The following ZBTB20 variants were observed in gnomAD, a reference collection of about 807,000 sequenced individuals.
The protein encoded by ZBTB20 is zinc finger and BTB domain-containing protein 20.
In ZBTB20, 9 loss-of-function variants were observed where a neutral mutation model predicts 56.9. The observed-to-expected ratio is 0.16, with a 90% confidence interval of 0.10 to 0.28. The LOEUF (loss-of-function observed/expected upper bound fraction) is 0.28, where lower values mean the gene tolerates loss of function less well. ZBTB20 is among the 10% of genes least tolerant of loss of function. ZBTB20 has a pLI of 1.00. For missense variants in ZBTB20, 655 were observed against 1,003.0 expected (o/e 0.65, Z 4.69); for synonymous variants, 417 against 420.7 (o/e 0.99, Z 0.11).
At chr3:114,518,683 A>C (rs1005776005) in intron 6 of ZBTB20, 2 of 152,216 alleles carry the variant, frequency 1.3e-5, no homozygotes, top group Non-Finnish European at 1.5e-5. Context: ...GGCTCAATAA[A>C]TACCTGCTGA....
intron 3 of ZBTB20, among the ~76,000 whole-genome samples, chr3:114,949,187 ATGGCAC>A (rs954083520): frequency 6.8e-6 from 1 of 146,266 alleles, no homozygotes; most frequent in African/African-American, 2.8e-5. Context: ...TTTTTGACAA[ATGGCAC>A]TTGATCAATT....
At chr3:114,755,380 A>C (rs1204372430) in intron 5 of ZBTB20, among the ~76,000 whole-genome samples, 1 of 152,164 alleles carries the variant, frequency 6.6e-6, no homozygotes, top group Non-Finnish European at 1.5e-5. Context: ...CTCTTTTTAA[A>C]ACTTCAAAGA....
chr3:114,767,816 T>G (rs1372730307), intron 5 of ZBTB20, among the ~76,000 whole-genome samples: 3 of 152,114 alleles, frequency 2.0e-5, no homozygotes, highest in Non-Finnish European at 4.4e-5. Flanking sequence ...CTCCAGCTGA[T>G]GCTCACTTTG....
chr3:115,046,993 G>A (rs566018721), intron 2 of ZBTB20, among the ~76,000 whole-genome samples: 9 of 152,098 alleles, frequency 5.9e-5, no homozygotes, highest in Non-Finnish European at 2.9e-5. Flanking sequence ...TACGTTAGAT[G>A]GTATCTGTTT....
At position 114,325,079 on chromosome 3, in the gene ZBTB20, A is replaced by G. The variant is rs1189591842; in HGVS notation, c.*13926T>C. ...TTGCCATGATGAAGATTACTAAGAC[A>G]CCCTGCTTTCATCTACTCTGAAAAC... On this transcript the variant is annotated 3_prime_UTR_variant, in exon 12 of 12. Coordinates refer to ENST00000675478, the MANE Select transcript of ZBTB20 (RefSeq NM_001348800.3). The G allele has an allele frequency of 6.6e-6, 1 of 152,130 alleles. No individual in the cohort carries two copies. The highest frequency in any genetic ancestry group is 1.5e-5 in the Non-Finnish European group (1 of 68,022). The allele number at this position is 152,130 out of a possible 1,614,324, so 9.4% of individuals were successfully genotyped here.
rs2079115976 is a variant in ZBTB20 at position 114,327,981 on chromosome 3, C to G, written c.*11024G>C. 6.6e-6 allele frequency: 1 copy of G among 152,088 alleles called. No individual in the cohort carries two copies. Among genetic ancestry groups the G allele is most frequent in the South Asian group, 2.1e-4 (1 of 4,820 alleles). 9.4% of individuals were successfully genotyped at this position (152,088 alleles called of 1,614,324 possible). A position where few individuals can be genotyped will look rare whatever the true frequency, so the allele number is the denominator to read the frequency against. On this transcript the variant is annotated 3_prime_UTR_variant, in exon 12 of 12. Transcript: ENST00000675478. ...GTCTTTTGGGCAATGCTCTGGTGAC[C>G]AGACAGTTGTAATCCACTGCAGGGA...
At position 114,840,427 on chromosome 3, in the gene ZBTB20, C is replaced by T. The variant is rs558892570; in HGVS notation, c.-416-39253G>A. On this transcript the variant is annotated intron_variant, in intron 4 of 11. Transcript: ENST00000675478. Reference sequence around the variant, plus strand: ...CAAATGTTTTAACAAACCTTTATTACAACCTGACTATTCATGTCATTTCAA... The same window carrying T: ...CAAATGTTTTAACAAACCTTTATTATAACCTGACTATTCATGTCATTTCAA... Among the ~76,000 whole-genome samples, 9 of 152,340 alleles carry T rather than the reference C, an allele frequency of 5.9e-5. No individual in the cohort carries two copies. The South Asian group carries it at 1.7e-3, about 28-fold the overall frequency.
intron 6 of ZBTB20, among the ~76,000 whole-genome samples, chr3:114,602,583 A>C (rs1195061053): frequency 1.3e-5 from 2 of 151,810 alleles, no homozygotes; most frequent in African/African-American, 2.4e-5. Flanking sequence ...CTCCTCTCCA[A>C]ATGTTAGGTC....
intron 10 of ZBTB20, among the ~76,000 whole-genome samples, chr3:114,377,989 A>G (rs553636440): frequency 1.2e-4 from 19 of 152,368 alleles, no homozygotes; most frequent in African/African-American, 4.3e-4. Flanking sequence ...AGTCAAGGGC[A>G]CTATTTTTAA....
At chr3:114,871,023 T>G (rs558917356) in intron 4 of ZBTB20, among the ~76,000 whole-genome samples, 5 of 149,750 alleles carry the variant, frequency 3.3e-5, no homozygotes, top group African/African-American at 1.2e-4. Context: ...CTAGCTGGCA[T>G]GAAGAGAGTT....
At chr3:114,486,347 G>A (rs1422913983) in intron 7 of ZBTB20, among the ~76,000 whole-genome samples, 1 of 151,974 alleles carries the variant, frequency 6.6e-6, no homozygotes, top group Non-Finnish European at 1.5e-5. Flanking sequence ...ATGTAATGAT[G>A]AAAAAATTGG....
intron 5 of ZBTB20, among the ~76,000 whole-genome samples, chr3:114,787,370 C>CACAT (rs1367544699): frequency 0.048 from 5,469 of 113,952 alleles, 292 homozygotes; most frequent in African/African-American, 0.11. Context: ...TATATATATA[C>CACAT]ACACACACAC....
chr3:114,961,027 G>C (rs1458292959), intron 3 of ZBTB20, among the ~76,000 whole-genome samples: 1 of 151,838 alleles, frequency 6.6e-6, no homozygotes, highest in Admixed American at 6.6e-5. Context: ...CAGCAGACAA[G>C]GTGAATTGCT....
intron 4 of ZBTB20, among the ~76,000 whole-genome samples, chr3:114,896,081 T>C (rs1361513219): frequency 1.3e-5 from 2 of 152,180 alleles, no homozygotes; most frequent in South Asian, 2.1e-4. Flanking sequence ...ACATAAGCAG[T>C]AGATGTGTTC....
At chr3:114,451,763 G>C (rs574546242) in intron 7 of ZBTB20, among the ~76,000 whole-genome samples, 1 of 152,116 alleles carries the variant, frequency 6.6e-6, no homozygotes, top group African/African-American at 2.4e-5. Flanking sequence ...GAACTGGAGC[G>C]GATTGCCTAC....
At chr3:114,670,240 T>C (rs916135699) in intron 6 of ZBTB20, among the ~76,000 whole-genome samples, 6 of 152,020 alleles carry the variant, frequency 3.9e-5, no homozygotes, top group African/African-American at 1.2e-4. Flanking sequence ...CACTAAACTG[T>C]ACTGAGGGCT....
Position 114,331,047 on chromosome 3 carries a change from CGAT to C in ZBTB20, c.*7955_*7957del, listed in dbSNP as rs1435512876. ...TTCAGGAGACACAGTTTGTGAATTA[CGAT>C]GATATCTTGTGAGTACAGGCAGAAT... On this transcript the variant is annotated 3_prime_UTR_variant, in exon 12 of 12. Transcript: ENST00000675478. 2.0e-5 allele frequency: 3 copies of C among 151,708 alleles called. No individual in the cohort carries two copies. Among genetic ancestry groups the C allele is most frequent in the Non-Finnish European group, 4.4e-5 (3 of 68,046 alleles). 9.4% of individuals were successfully genotyped at this position (151,708 alleles called of 1,614,324 possible). A position where few individuals can be genotyped will look rare whatever the true frequency, so the allele number is the denominator to read the frequency against.
intron 7 of ZBTB20, among the ~76,000 whole-genome samples, chr3:114,389,902 A>AG (rs1325575399): frequency 6.6e-6 from 1 of 151,848 alleles, no homozygotes; most frequent in African/African-American, 2.4e-5. Flanking sequence ...AAAAAAAAAA[A>AG]AAAAAAAGAA....
intron 6 of ZBTB20, among the ~76,000 whole-genome samples, chr3:114,681,132 T>C (rs1413353929): frequency 6.6e-6 from 1 of 151,834 alleles, no homozygotes; most frequent in Non-Finnish European, 1.5e-5. Context: ...TTACCCATTT[T>C]AATTAAAAAC....
Sources: allele counts gnomAD v4.1 joint callset (sites outside exome capture counted in the v4.1 genomes callset), GRCh38; gene constraint gnomAD v4.1.1; transcripts MANE v1.5; gene names NCBI Gene and HGNC (gene_info 2026-07-23, HGNC 2026-07-21).